ASAH2: variants seen among roughly 807,000 people sequenced by gnomAD.
ASAH2 encodes N-acylsphingosine amidohydrolase 2.
Under a neutral mutation model 82.9 loss-of-function variants are expected in ASAH2, and 58 were observed. That is an observed-to-expected ratio of 0.70 (90% confidence interval 0.57 to 0.87). The LOEUF (loss-of-function observed/expected upper bound fraction) is 0.87. ASAH2 is among the 40% of genes least tolerant of loss of function. ASAH2 has a pLI of 0.00. For synonymous variants in ASAH2, 276 were observed against 289.7 expected (o/e 0.95, Z 0.48); for missense variants, 779 against 834.0 (o/e 0.93, Z 0.81).
intron 7 of ASAH2, among the ~76,000 whole-genome samples, chr10:50,231,220 T>C (rs903352127): frequency 9.2e-5 from 14 of 152,186 alleles, no homozygotes; most frequent in African/African-American, 3.1e-4. Flanking sequence ...CTTCTTGTAA[T>C]TGAATGCCCC....
chr10:50,236,134 A>G (rs1846154317), intron 4 of ASAH2, 70 bp from the exon 5 acceptor site: 3 of 1,360,890 alleles, frequency 2.2e-6, no homozygotes, highest in Non-Finnish European at 2.1e-6. Flanking sequence ...AAAGGCTTTG[A>G]TGAGTTCAAT....
intron 4 of ASAH2, among the ~76,000 whole-genome samples, chr10:50,240,295 C>A (rs1423122955): frequency 6.6e-6 from 1 of 152,158 alleles, no homozygotes; most frequent in Non-Finnish European, 1.5e-5. Flanking sequence ...TTCCTTCAGC[C>A]TTTTAACATC....
At chr10:50,199,003 C>G in intron 17 of ASAH2, 48 bp downstream of exon 17, 1 of 1,583,598 alleles carries the variant, frequency 6.3e-7, no homozygotes, top group Non-Finnish European at 8.7e-7. Context: ...CACACACACA[C>G]ACACACACAC....
At chr10:50,211,400 C>T (rs1206160720) in intron 10 of ASAH2, among the ~76,000 whole-genome samples, 3 of 152,112 alleles carry the variant, frequency 2.0e-5, no homozygotes, top group Non-Finnish European at 4.4e-5. Flanking sequence ...GGCTGTGGCA[C>T]AAAAGGCCTC....
At chr10:50,230,377 T>C (rs923835192) in intron 7 of ASAH2, among the ~76,000 whole-genome samples, 138 of 152,286 alleles carry the variant, frequency 9.1e-4, no homozygotes, top group African/African-American at 3.2e-3. Context: ...TGATTCTGAG[T>C]TGCTGTGCTT....
intron 7 of ASAH2, among the ~76,000 whole-genome samples, chr10:50,220,481 A>G (rs1845711852): frequency 1.8e-5 from 1 of 56,536 alleles, no homozygotes; most frequent in Non-Finnish European, 4.3e-5. Context: ...TTGCCGGAAC[A>G]TAGATGGAGC....
intron 7 of ASAH2, among the ~76,000 whole-genome samples, chr10:50,232,114 C>A (rs1846035186): frequency 1.3e-5 from 2 of 152,100 alleles, no homozygotes; most frequent in Non-Finnish European, 2.9e-5. Flanking sequence ...TGTTCTCCAC[C>A]TAGTTTTAGG....
chr10:50,204,981 T>C (rs1845258001), intron 13 of ASAH2, 26 bp from the exon 14 acceptor site: 3 of 1,512,920 alleles, frequency 2.0e-6, no homozygotes, highest in East Asian at 2.3e-5. Context: ...AAGAAAATTA[T>C]GTTAGGGATA....
intron 12 of ASAH2, among the ~76,000 whole-genome samples, chr10:50,208,273 T>C (rs1276440735): frequency 6.6e-6 from 1 of 152,018 alleles, no homozygotes; most frequent in African/African-American, 2.4e-5. Flanking sequence ...TTTTTACTTT[T>C]ATTCAACATT....
rs1844725044 is a variant in ASAH2, at chr10:50,185,587, T to C, written c.*1728A>G. 1 of 71,306 alleles carries C rather than the reference T, an allele frequency of 1.4e-5. No individual in the cohort carries two copies. The highest frequency in any genetic ancestry group is 4.9e-4 in the South Asian group (1 of 2,028). 4.4% of individuals were successfully genotyped at this position (71,306 alleles called of 1,614,324 possible). A position where few individuals can be genotyped will look rare whatever the true frequency, so the allele number is the denominator to read the frequency against. ...TATAATTTTCTTGTCTGGAATCAGCTACTTTCAGGATCACTTGTTCTTTTA... is the reference window on the plus strand; with the variant it reads ...TATAATTTTCTTGTCTGGAATCAGCCACTTTCAGGATCACTTGTTCTTTTA... On this transcript the variant is annotated 3_prime_UTR_variant, in exon 21 of 21. Transcript: ENST00000682911.
At position 50,199,162 on chromosome 10, in the gene ASAH2, G is replaced by A. The variant is rs1845075114; in HGVS notation, c.1762-16C>T. The stretch of plus-strand genomic sequence containing the variant: ...ATCGCTGAGCCTGCAGGAAAGGCAG[G>A]GAGAGTTGTATATGGTTCTGCTTAT... On this transcript the variant is annotated splice_polypyrimidine_tract_variant and intron_variant, in intron 16 of 20. Transcript: ENST00000682911. 1 of 1,612,828 alleles carries A rather than the reference G, an allele frequency of 6.2e-7. No individual in the cohort carries two copies. Among genetic ancestry groups the A allele is most frequent in the East Asian group, 2.2e-5 (1 of 44,844 alleles).
At chr10:50,221,631 A>ATGTG (rs1193949441) in intron 7 of ASAH2, among the ~76,000 whole-genome samples, 3 of 146,722 alleles carry the variant, frequency 2.0e-5, no homozygotes, top group African/African-American at 7.8e-5. Context: ...TTCAGGTTGT[A>ATGTG]TGTGTGTGTG....
At chr10:50,205,865 G>C (rs2133202864) in intron 13 of ASAH2, 117 bp downstream of exon 13, 1 of 879,972 alleles carries the variant, frequency 1.1e-6, no homozygotes, top group East Asian at 2.4e-5. Context: ...AACTTGATAT[G>C]GGAATATCTA....
chr10:50,240,525 T>A, intron 4 of ASAH2: 1 of 702,232 alleles, frequency 1.4e-6, no homozygotes, highest in Non-Finnish European at 2.6e-6. Context: ...ACTCCGCCAC[T>A]CAGAAGATTT....
chr10:50,242,534 GA>G lies in ASAH2; in HGVS notation c.510+667del, dbSNP rs1359519707. On this transcript the variant is annotated intron_variant, in intron 4 of 20. Coordinates refer to ENST00000682911, the MANE Select transcript of ASAH2 (RefSeq NM_019893.4). ...TCTCTTAGTGACCTGATTCCATGCAGAAAATAGTACTGGGTCAGGGCTTAGA... is the reference window on the plus strand; with the variant it reads ...TCTCTTAGTGACCTGATTCCATGCAGAAATAGTACTGGGTCAGGGCTTAGA... 3.3e-5 allele frequency among the ~76,000 whole-genome samples: 5 copies of G among 152,332 alleles called. No homozygotes were observed. The East Asian group carries it at 9.6e-4, about 29-fold the overall frequency.
intron 12 of ASAH2, among the ~76,000 whole-genome samples, chr10:50,210,426 A>G (rs1010381207): frequency 7.2e-5 from 11 of 152,042 alleles, no homozygotes; most frequent in Admixed American, 2.6e-4. Context: ...CTTGAACTTG[A>G]CAGGTGGAGG....
chr10:50,219,107 C>A (rs1005746926), intron 7 of ASAH2, among the ~76,000 whole-genome samples: 7 of 152,050 alleles, frequency 4.6e-5, no homozygotes, highest in African/African-American at 1.4e-4. Flanking sequence ...ACAAACGTTG[C>A]GAAGAAACAG....
intron 10 of ASAH2, among the ~76,000 whole-genome samples, chr10:50,211,845 G>A (rs1845461097): frequency 6.6e-6 from 1 of 152,102 alleles, no homozygotes; most frequent in East Asian, 1.9e-4. Context: ...GCTCTCATAA[G>A]TCATCAGCAA....
intron 7 of ASAH2, among the ~76,000 whole-genome samples, chr10:50,222,003 C>T (rs1039082976): frequency 3.3e-5 from 5 of 152,084 alleles, no homozygotes; most frequent in African/African-American, 1.2e-4. Flanking sequence ...ATAACATCTG[C>T]AAAGGCATGG....
Sources: gnomAD v4.1 joint callset for allele counts (sites outside exome capture counted in the v4.1 genomes callset) on GRCh38, gnomAD v4.1.1 for gene constraint, MANE v1.5 for transcripts, NCBI Gene and HGNC (gene_info 2026-07-23, HGNC 2026-07-21) for gene names.